Variants in DHRSX observed in about 807,000 individuals in gnomAD.
The protein encoded by DHRSX is polyprenol dehydrogenase.
A neutral mutation model predicts 34.0 loss-of-function variants in DHRSX; 31 were observed. The ratio of observed to expected loss-of-function variants is 0.91; its 90% CI spans 0.69 to 1.23. The LOEUF (loss-of-function observed/expected upper bound fraction) is 1.23, where lower values mean the gene tolerates loss of function less well. Among genes scored for constraint, DHRSX ranks in the 50% most tolerant of loss-of-function variants. The pLI, the probability that DHRSX is intolerant of heterozygous loss-of-function variation, is 0.00. For synonymous variants in DHRSX, 201 were observed against 183.8 expected (o/e 1.09, Z -0.76); for missense variants, 414 against 428.1 (o/e 0.97, Z 0.29).
At chrX:2,238,303 G>A (rs1175261922) in intron 6 of DHRSX, among the ~76,000 whole-genome samples, 2 of 152,158 alleles carry the variant, frequency 1.3e-5, no homozygotes, top group African/African-American at 4.8e-5. Flanking sequence ...GCTGCTGTGA[G>A]CTGTGATTGT....
At chrX:2,240,549 A>G (rs1212632678) in intron 6 of DHRSX, among the ~76,000 whole-genome samples, 3 of 151,510 alleles carry the variant, frequency 2.0e-5, no homozygotes, top group Non-Finnish European at 2.9e-5. Flanking sequence ...GAAACAGACA[A>G]TTACCTAAAG....
At chrX:2,424,631 A>AT (rs1483902431) in intron 2 of DHRSX, among the ~76,000 whole-genome samples, 3 of 152,126 alleles carry the variant, frequency 2.0e-5, no homozygotes, top group Admixed American at 6.5e-5. Context: ...ATATATGGTT[A>AT]TTTTTTTCCA....
intron 3 of DHRSX, among the ~76,000 whole-genome samples, chrX:2,350,560 G>A (rs1176829710): frequency 6.6e-6 from 1 of 152,074 alleles, no homozygotes; most frequent in Non-Finnish European, 1.5e-5. Flanking sequence ...TAGAATGATG[G>A]TTTTCAGAAG....
intron 1 of DHRSX, among the ~76,000 whole-genome samples, chrX:2,475,554 A>T (rs2044666738): frequency 6.6e-6 from 1 of 151,800 alleles, no homozygotes; most frequent in African/African-American, 2.4e-5. Flanking sequence ...TGGCTAAGGG[A>T]CCGCCGCCAG....
At chrX:2,430,691 A>G (rs1010172562) in intron 1 of DHRSX, among the ~76,000 whole-genome samples, 1 of 151,838 alleles carries the variant, frequency 6.6e-6, no homozygotes. Context: ...CTGGCCCATC[A>G]TGTTCCTTCT....
chrX:2,273,919 G>A (rs1237083625), intron 4 of DHRSX, among the ~76,000 whole-genome samples: 1 of 152,248 alleles, frequency 6.6e-6, no homozygotes, highest in African/African-American at 2.4e-5. Context: ...GCCTGGCGGG[G>A]AAGCTGCGTG....
intron 4 of DHRSX, among the ~76,000 whole-genome samples, chrX:2,282,619 A>AGAGAGAAGAAAGAG (rs1569483455): frequency 1.2e-5 from 1 of 80,070 alleles, no homozygotes; most frequent in Non-Finnish European, 3.3e-5. Context: ...GAAAGAGGGG[A>AGAGAGAAGAAAGAG]GGGAGAGAAG....
chrX:2,359,541 G>A (rs1323317050), intron 3 of DHRSX, among the ~76,000 whole-genome samples: 11 of 152,194 alleles, frequency 7.2e-5, no homozygotes, highest in African/African-American at 1.2e-4. Flanking sequence ...TTAGCTGGGC[G>A]TGGGGGCGTG....
chrX:2,459,215 A>C (rs1213276231), intron 1 of DHRSX, among the ~76,000 whole-genome samples: 1 of 152,092 alleles, frequency 6.6e-6, no homozygotes, highest in African/African-American at 2.4e-5. Context: ...CATACCACAC[A>C]GTGATTATAG....
chrX:2,496,182 TTTTG>T (rs2045280042), intron 1 of DHRSX, among the ~76,000 whole-genome samples: 1 of 151,708 alleles, frequency 6.6e-6, no homozygotes, highest in South Asian at 2.1e-4. Context: ...AGGTTTTTAT[TTTTG>T]TTTTTGTTTT....
chrX:2,360,315 T>A (rs1005604886), intron 3 of DHRSX, among the ~76,000 whole-genome samples: 55 of 152,200 alleles, frequency 3.6e-4, no homozygotes, highest in African/African-American at 1.3e-3. Flanking sequence ...CCAGGCGTGG[T>A]GGCTCACGCC....
chrX:2,488,856 A>G, intron 1 of DHRSX: 1 of 1,613,624 alleles, frequency 6.2e-7, no homozygotes, highest in Non-Finnish European at 8.5e-7. Context: ...GCGGATCCGA[A>G]GAGACGCTCA....
intron 3 of DHRSX, among the ~76,000 whole-genome samples, chrX:2,307,853 A>C (rs2042118861): frequency 6.6e-6 from 1 of 151,996 alleles, no homozygotes; most frequent in Non-Finnish European, 1.5e-5. Context: ...CCACTGGACC[A>C]AGACACCAGG....
At chrX:2,274,597 T>TC (rs1337790315) in intron 4 of DHRSX, among the ~76,000 whole-genome samples, 35 of 150,444 alleles carry the variant, frequency 2.3e-4, no homozygotes, top group Non-Finnish European at 5.9e-5. Flanking sequence ...TTTTTTTTTT[T>TC]TTTTTGTATT....
intron 6 of DHRSX, among the ~76,000 whole-genome samples, chrX:2,241,846 T>C (rs1328035775): frequency 6.6e-6 from 1 of 151,972 alleles, no homozygotes; most frequent in Non-Finnish European, 1.5e-5. Flanking sequence ...AGGCAGAGGT[T>C]GCACTGGGCA....
rs570846949 is a variant in DHRSX at position 2,380,569 on chromosome X, T to C, written c.286+28176A>G. Reference sequence around the variant, plus strand: ...TCTGTGTCCCCATCCAAATCTCACGTTGAATTGTAATTCCCAGCGTTGAGG... The same window carrying C: ...TCTGTGTCCCCATCCAAATCTCACGCTGAATTGTAATTCCCAGCGTTGAGG... On this transcript the variant is annotated intron_variant, in intron 3 of 6. Coordinates refer to ENST00000334651, the MANE Select transcript of DHRSX (RefSeq NM_145177.3). Among the ~76,000 whole-genome samples the C allele has an allele frequency of 2.2e-4, 33 of 152,258 alleles. 1 individual carries two copies. The East Asian group carries it at 5.6e-3, about 26-fold the overall frequency.
At chrX:2,274,391 G>A (rs1488048959) in intron 4 of DHRSX, among the ~76,000 whole-genome samples, 6 of 151,346 alleles carry the variant, frequency 4.0e-5, no homozygotes, top group Non-Finnish European at 8.8e-5. Flanking sequence ...CAACCAAGCT[G>A]GAGTGCAGTG....
At chrX:2,304,627 C>G (rs1286503119) in intron 3 of DHRSX, among the ~76,000 whole-genome samples, 1 of 152,040 alleles carries the variant, frequency 6.6e-6, no homozygotes, top group Non-Finnish European at 1.5e-5. Flanking sequence ...TCTGTCTCTC[C>G]TTCTCTTGCT....
chrX:2,439,170 A>C (rs1445524442), intron 1 of DHRSX, among the ~76,000 whole-genome samples: 1 of 152,070 alleles, frequency 6.6e-6, no homozygotes, highest in African/African-American at 2.4e-5. Flanking sequence ...AGCTTAAAAA[A>C]TAAAAACAGC....
Sources: gnomAD v4.1 joint callset for allele counts (sites outside exome capture counted in the v4.1 genomes callset) on GRCh38, gnomAD v4.1.1 for gene constraint, MANE v1.5 for transcripts, NCBI Gene and HGNC (gene_info 2026-07-23, HGNC 2026-07-21) for gene names.